Variants in CTNNA2 observed in about 807,000 individuals in gnomAD.
CTNNA2 encodes catenin alpha 2.
CTNNA2 carries 42 observed loss-of-function variants against 101.0 expected under a neutral mutation model. The observed-to-expected ratio is 0.42, with a 90% CI of 0.32 to 0.54. The LOEUF (loss-of-function observed/expected upper bound fraction) is 0.54, where lower values mean the gene tolerates loss of function less well. Ranked by LOEUF, CTNNA2 falls within the 20% of genes least tolerant of loss-of-function variation. CTNNA2 has a pLI of 0.14. For missense variants in CTNNA2, 871 were observed against 1,223.1 expected, an observed-to-expected ratio of 0.71 and a Z score of 4.29; for synonymous variants, 450 against 456.4, an observed-to-expected ratio of 0.99 and a Z score of 0.18.
rs10165345 is a variant in CTNNA2 at position 79,555,366 on chromosome 2, G to C, written c.-6+42159G>C. On this transcript the variant is annotated intron_variant, in intron 1 of 18. Transcript: ENST00000402739. Reference sequence around the variant, plus strand: ...CTTGAATGGGGAGGGAAAGGTGAGAGTGAAACTGGCATCACTTTAAGGAAT... The same window carrying C: ...CTTGAATGGGGAGGGAAAGGTGAGACTGAAACTGGCATCACTTTAAGGAAT... Among the ~76,000 whole-genome samples the C allele has an allele frequency of 1.3e-3, 198 of 152,228 alleles. 1 individual carries two copies. The highest frequency in any genetic ancestry group is 4.4e-3 in the African/African-American group (181 of 41,560).
Position 80,558,543 on chromosome 2 carries a change from A to G in CTNNA2, c.1741+2650A>G, listed in dbSNP as rs940426132. Among the ~76,000 whole-genome samples the G allele has an allele frequency of 3.3e-5, 5 of 152,152 alleles. No individual in the cohort carries two copies. In the Middle Eastern group the frequency reaches 0.017, roughly 518 times the overall value. ...TCTAATGTCATTGTATGTCTGTGCT[A>G]AGGAGACATAAGATATATGTCCTCA... On this transcript the variant is annotated intron_variant, in intron 12 of 18. Coordinates refer to ENST00000402739, the MANE Select transcript of CTNNA2 (RefSeq NM_001282597.3).
chr2:80,100,712 T>C (rs1700488861), intron 7 of CTNNA2, among the ~76,000 whole-genome samples: 1 of 152,190 alleles, frequency 6.6e-6, no homozygotes, highest in Admixed American at 6.5e-5. Context: ...TAAAGCCACA[T>C]TTTAGGCTGT....
intron 7 of CTNNA2, among the ~76,000 whole-genome samples, chr2:80,021,713 T>C (rs970561620): frequency 8.3e-5 from 12 of 144,078 alleles, no homozygotes; most frequent in African/African-American, 3.5e-4. Context: ...CACACACTTA[T>C]CATTTTTTTT....
chr2:79,286,793 T>C (rs1441643824), intron 2 of CTNNA2, among the ~76,000 whole-genome samples: 7 of 152,132 alleles, frequency 4.6e-5, no homozygotes, highest in South Asian at 2.1e-4. Flanking sequence ...TGAATCTGAA[T>C]GTTGGCCTGC....
chr2:79,337,097 C>T (rs1295143850), intron 3 of CTNNA2, among the ~76,000 whole-genome samples: 1 of 152,184 alleles, frequency 6.6e-6, no homozygotes, highest in East Asian at 1.9e-4. Flanking sequence ...CATGGACAGA[C>T]CTGACAAAGG....
chr2:80,171,329 C>T, intron 7 of CTNNA2, among the ~76,000 whole-genome samples: 1 of 152,192 alleles, frequency 6.6e-6, no homozygotes, highest in East Asian at 1.9e-4. Flanking sequence ...TGTGCATGGG[C>T]ACAGATACCT....
chr2:79,977,710 A>T lies in CTNNA2; in HGVS notation c.1056+67913A>T, dbSNP rs189853684. Reference sequence around the variant, plus strand: ...GGAAACCTAAAATATAACGCTTTTTAAAAAATCTTAAAAATACTTGTTTTC... The same window carrying T: ...GGAAACCTAAAATATAACGCTTTTTTAAAAATCTTAAAAATACTTGTTTTC... On this transcript the variant is annotated intron_variant, in intron 7 of 18. Coordinates refer to ENST00000402739, the MANE Select transcript of CTNNA2 (RefSeq NM_001282597.3). Among the ~76,000 whole-genome samples the T allele has an allele frequency of 1.6e-4, 24 of 152,286 alleles. No homozygotes were observed. The East Asian group carries it at 3.5e-3, about 22-fold the overall frequency.
At chr2:80,053,624 C>A (rs1204241510) in intron 7 of CTNNA2, among the ~76,000 whole-genome samples, 3 of 152,128 alleles carry the variant, frequency 2.0e-5, no homozygotes, top group Non-Finnish European at 4.4e-5. Flanking sequence ...TGTTAAAATG[C>A]AGTTTCTGAT....
At chr2:79,319,423 C>G (rs1025395612) in intron 3 of CTNNA2, among the ~76,000 whole-genome samples, 2 of 152,170 alleles carry the variant, frequency 1.3e-5, no homozygotes, top group Non-Finnish European at 2.9e-5. Context: ...CATATTTCTT[C>G]ACCTTTCTTT....
intron 9 of CTNNA2, among the ~76,000 whole-genome samples, chr2:80,484,247 A>G (rs1447154341): frequency 6.6e-6 from 1 of 152,162 alleles, no homozygotes; most frequent in Non-Finnish European, 1.5e-5. Context: ...AAGATTTGTG[A>G]TACTGATTTA....
At chr2:80,635,677 CT>C (rs1672798688) in intron 18 of CTNNA2, among the ~76,000 whole-genome samples, 1 of 152,114 alleles carries the variant, frequency 6.6e-6, no homozygotes, top group Admixed American at 6.6e-5. Context: ...TCATAGCCCT[CT>C]CCTGTGCAGT....
intron 1 of CTNNA2, among the ~76,000 whole-genome samples, chr2:79,637,637 G>T (rs893825488): frequency 6.6e-6 from 1 of 152,118 alleles, no homozygotes; most frequent in African/African-American, 2.4e-5. Flanking sequence ...GTCAAAAATG[G>T]CCCCTAAACA....
chr2:79,352,503 C>G (rs1330022820), intron 3 of CTNNA2, among the ~76,000 whole-genome samples: 1 of 151,966 alleles, frequency 6.6e-6, no homozygotes, highest in Non-Finnish European at 1.5e-5. Context: ...AGCTAGCAGT[C>G]TATTAATTTT....
chr2:80,320,686 A>T (rs1678593631), intron 7 of CTNNA2, among the ~76,000 whole-genome samples: 1 of 152,352 alleles, frequency 6.6e-6, no homozygotes, highest in East Asian at 1.9e-4. Flanking sequence ...CTTTAGCATT[A>T]TCATTTTTAA....
At chr2:80,212,143 T>C (rs61003645) in intron 7 of CTNNA2, among the ~76,000 whole-genome samples, 30,279 of 152,116 alleles carry the variant, frequency 0.2, 4,235 homozygotes, top group African/African-American at 0.39. Flanking sequence ...TTTCTAGATA[T>C]ACAATCATGT....
chr2:79,454,993 A>T (rs1333801934), intron 4 of CTNNA2, among the ~76,000 whole-genome samples: 1 of 152,168 alleles, frequency 6.6e-6, no homozygotes, highest in Non-Finnish European at 1.5e-5. Flanking sequence ...AGTAGACTTA[A>T]CACAGTGCCT....
At chr2:80,160,843 C>G (rs142428087) in intron 7 of CTNNA2, among the ~76,000 whole-genome samples, 5 of 150,918 alleles carry the variant, frequency 3.3e-5, no homozygotes, top group African/African-American at 1.2e-4. Context: ...GGTTTCCAAT[C>G]TTATAGGAAA....
At chr2:79,757,998 C>T (rs1042167456) in intron 3 of CTNNA2, among the ~76,000 whole-genome samples, 3 of 152,162 alleles carry the variant, frequency 2.0e-5, no homozygotes, top group Non-Finnish European at 2.9e-5. Context: ...AGATTGGGCT[C>T]TTAAGCTTTC....
In CTNNA2 at chr2:80,501,345, T is replaced by G. The variant is rs577412869; in HGVS notation, c.1291-43637T>G. ...TTCTGAAAGATAGAGCCATATTCTT[T>G]TGAACAGATAACTGAAATGAGAAAA... On this transcript the variant is annotated intron_variant, in intron 9 of 18. Transcript: ENST00000402739. Among the ~76,000 whole-genome samples the G allele has an allele frequency of 2.6e-5, 4 of 152,350 alleles. No individual in the cohort carries two copies. In the South Asian group the frequency reaches 8.3e-4, roughly 32 times the overall value.
Sources: gnomAD v4.1 joint callset for allele counts (sites outside exome capture counted in the v4.1 genomes callset) on GRCh38, gnomAD v4.1.1 for gene constraint, MANE v1.5 for transcripts, NCBI Gene and HGNC (gene_info 2026-07-23, HGNC 2026-07-21) for gene names.